Variants in ABR observed in about 807,000 individuals in gnomAD.
The protein encoded by ABR is ABR activator of RhoGEF and GTPase, also known as active breakpoint cluster region-related protein.
A neutral mutation model predicts 107.2 loss-of-function variants in ABR; 35 were observed. That is an observed-to-expected ratio of 0.33 (90% CI 0.25 to 0.43). The LOEUF is 0.43. Ranked by LOEUF, ABR falls within the 20% of genes least tolerant of loss-of-function variation. ABR has a pLI of 1.00. For synonymous variants in ABR, 498 were observed against 462.0 expected (o/e 1.08, Z -1.00); for missense variants, 815 against 1,115.2 (o/e 0.73, Z 3.83).
At chr17:1,091,005 C>T (rs1159404544) in intron 4 of ABR, among the ~76,000 whole-genome samples, 3 of 152,152 alleles carry the variant, frequency 2.0e-5, no homozygotes, top group South Asian at 2.1e-4. Flanking sequence ...CTTCTGTGAA[C>T]GTTTCCCAAC....
upstream of ABR, among the ~76,000 whole-genome samples, chr17:1,189,401 G>A (rs1051393986): frequency 5.4e-5 from 8 of 147,208 alleles, no homozygotes; most frequent in East Asian, 4.0e-4. Flanking sequence ...CCAGGCTGGA[G>A]TGCAATGGTG....
intron 16 of ABR, among the ~76,000 whole-genome samples, chr17:1,015,122 T>C (rs906672800): frequency 6.6e-6 from 1 of 151,884 alleles, no homozygotes; most frequent in Non-Finnish European, 1.5e-5. Context: ...TGGCAGTACA[T>C]AATTAAAAAG....
intron 7 of ABR, among the ~76,000 whole-genome samples, 200 bp downstream of exon 7, chr17:1,073,425 G>A (rs936068824): frequency 2.0e-5 from 3 of 152,070 alleles, no homozygotes; most frequent in Non-Finnish European, 4.4e-5. Context: ...ACCTGGCCAC[G>A]TCAAGCTTAG....
At chr17:1,057,780 T>C (rs1049999912) in intron 12 of ABR, 190 bp downstream of exon 12, 2 of 572,106 alleles carry the variant, frequency 3.5e-6, no homozygotes, top group Non-Finnish European at 6.3e-6. Context: ...AATCATCATG[T>C]CTTTCAGCCA....
In ABR at chr17:1,108,450, C is replaced by A. The variant is rs549536511; in HGVS notation, c.247-7715G>T. The stretch of plus-strand genomic sequence containing the variant: ...TGCCCACCTGGCTGCAGCCTCCAAG[C>A]CAGCTGTTCCCTCCCCCCTTCAGCT... On this transcript the variant is annotated intron_variant, in intron 2 of 22. Coordinates refer to ENST00000302538, the MANE Select transcript of ABR (RefSeq NM_021962.5). Among the ~76,000 whole-genome samples, 5 of 152,374 alleles carry A rather than the reference C, an allele frequency of 3.3e-5. No homozygotes were observed. The East Asian group carries it at 9.6e-4, about 29-fold the overall frequency.
rs973215790 is a variant in ABR, at chr17:1,148,621, G to C, written c.62-23254C>G. Among the ~76,000 whole-genome samples, 1 of 152,196 alleles carries C rather than the reference G, an allele frequency of 6.6e-6. No homozygotes were observed. Among genetic ancestry groups the C allele is most frequent in the Non-Finnish European group, 1.5e-5 (1 of 68,030 alleles). On this transcript the variant is annotated intron_variant, in intron 1 of 22. Transcript: ENST00000302538. This position sits in a 1 kb window ranked among gnomAD's most constrained non-coding sequence, Gnocchi z 4.9. ...AGCGGCATTAGGTTCTCGTAGGAGC[G>C]TGAGCCCTGTCGTGATCTGCGCGTG...
At chr17:1,018,285 G>A (rs560395735) in intron 16 of ABR, among the ~76,000 whole-genome samples, 1,718 of 151,934 alleles carry the variant, frequency 0.011, 25 homozygotes, top group African/African-American at 0.037. Flanking sequence ...CTCGTGATTC[G>A]CCCACCTCGG....
intron 16 of ABR, chr17:1,031,744 C>T (rs913703559): frequency 3.2e-6 from 4 of 1,236,118 alleles, no homozygotes; most frequent in Middle Eastern, 3.1e-4. Flanking sequence ...TCGGTCATGC[C>T]GGGGGGGACG....
chr17:1,213,349 G>T (rs1407098614), intron 1 of ABR, among the ~76,000 whole-genome samples: 1 of 152,200 alleles, frequency 6.6e-6, no homozygotes, highest in African/African-American at 2.4e-5. Flanking sequence ...AGGTGACTAA[G>T]CAGGTACTAT....
intron 1 of ABR, among the ~76,000 whole-genome samples, chr17:1,172,953 CCCCCCAT>C (rs1567857231): frequency 6.7e-6 from 1 of 149,094 alleles, no homozygotes; most frequent in African/African-American, 2.5e-5. Flanking sequence ...GTAATCCACC[CCCCCCAT>C]CACCTCAGCC....
chr17:1,191,284 T>C (rs1428734808), upstream of ABR, among the ~76,000 whole-genome samples: 2 of 148,374 alleles, frequency 1.3e-5, no homozygotes, highest in Non-Finnish European at 2.9e-5. Context: ...CCAAGCTTCC[T>C]GCCAGCTTCT....
intron 5 of ABR, among the ~76,000 whole-genome samples, chr17:1,079,609 T>C (rs1597716360): frequency 6.6e-6 from 1 of 151,512 alleles, no homozygotes; most frequent in Admixed American, 6.6e-5. Flanking sequence ...GTCAACACGG[T>C]GAAACCCCAT....
chr17:1,083,205 G>T (rs12936317), intron 5 of ABR: 37,881 of 161,130 alleles, frequency 0.24, 6,006 homozygotes, highest in South Asian at 0.36. Flanking sequence ...AAGCCAAGAG[G>T]GGGGACGTGA....
chr17:1,124,262 A>G (rs1367971741), intron 2 of ABR, among the ~76,000 whole-genome samples: 2 of 152,150 alleles, frequency 1.3e-5, no homozygotes, highest in Non-Finnish European at 2.9e-5. Flanking sequence ...CCCTGGAGGA[A>G]GAAGAGGCAG....
intron 16 of ABR, among the ~76,000 whole-genome samples, chr17:1,041,820 T>C (rs12600870): frequency 0.087 from 13,220 of 152,216 alleles, 816 homozygotes; most frequent in Admixed American, 0.19. Flanking sequence ...GGCCTCAGGG[T>C]GACTGCGTCT....
Position 1,200,279 on chromosome 17 carries a change from G to T in ABR, c.838+28514C>A, listed in dbSNP as rs1317404711. Among the ~76,000 whole-genome samples the T allele has an allele frequency of 6.6e-6, 1 of 152,108 alleles. No homozygotes were observed. The highest frequency in any genetic ancestry group is 1.5e-5 in the Non-Finnish European group (1 of 68,026). ...TACACGGGGGTCGGGGGCAGGCATGGTGACTCACGCCTGTAATCCCAACAC... is the reference window on the plus strand; with the variant it reads ...TACACGGGGGTCGGGGGCAGGCATGTTGACTCACGCCTGTAATCCCAACAC... On this transcript the variant is annotated intron_variant, in intron 1 of 22. Coordinates refer to the ABR transcript ENST00000574139. The surrounding 1 kb of genome is among the most constrained non-coding windows in gnomAD (Gnocchi z 4.1).
upstream of ABR, among the ~76,000 whole-genome samples, chr17:1,190,673 G>C (rs2042412345): frequency 6.6e-6 from 1 of 152,024 alleles, no homozygotes; most frequent in Non-Finnish European, 1.5e-5. Flanking sequence ...TATGTTTCGG[G>C]GAGGGAGGTA....
chr17:1,195,881 G>A (rs183532907), intron 1 of ABR, among the ~76,000 whole-genome samples: 1 of 149,832 alleles, frequency 6.7e-6, no homozygotes, highest in East Asian at 2.0e-4. Flanking sequence ...TTGGGATTGT[G>A]GGGAGAGATC....
At chr17:1,032,536 G>GC (rs2072884997) in intron 16 of ABR, among the ~76,000 whole-genome samples, 1 of 101,354 alleles carries the variant, frequency 9.9e-6, no homozygotes, top group African/African-American at 3.7e-5. Context: ...CGCTGCCAGG[G>GC]GCAGAGGACG....
Sources: allele counts gnomAD v4.1 joint callset (sites outside exome capture counted in the v4.1 genomes callset), GRCh38; gene constraint gnomAD v4.1.1; non-coding constraint Gnocchi (gnomAD v3.1); transcripts MANE v1.5; gene names NCBI Gene and HGNC (gene_info 2026-07-23, HGNC 2026-07-21).